Variants in PREX2 observed in about 807,000 individuals in gnomAD.
PREX2 encodes phosphatidylinositol 3,4,5-trisphosphate-dependent Rac exchanger 2 protein.
PREX2 carries 107 observed loss-of-function variants against 203.2 expected under a neutral mutation model. The observed-to-expected ratio is 0.53, with a 90% CI of 0.45 to 0.62. PREX2 has a LOEUF of 0.62. Ranked by LOEUF, PREX2 falls within the 20% of genes least tolerant of loss-of-function variation. The probability of loss-of-function intolerance (pLI) is 0.00; values close to 1 mark genes in which losing one functional copy is unlikely to be tolerated. For synonymous variants in PREX2, 672 were observed against 663.6 expected, an observed-to-expected ratio of 1.01 and a Z score of -0.19; for missense variants, 1,777 against 1,955.9, an observed-to-expected ratio of 0.91 and a Z score of 1.72.
chr8:68,170,194 G>A (rs1475551516), intron 35 of PREX2, among the ~76,000 whole-genome samples: 1 of 152,184 alleles, frequency 6.6e-6, no homozygotes, highest in Non-Finnish European at 1.5e-5. Flanking sequence ...TGAGTAGAAG[G>A]GTGTGTGTTG....
At chr8:68,055,251 C>T (rs750116168) in intron 9 of PREX2, among the ~76,000 whole-genome samples, 5 of 152,192 alleles carry the variant, frequency 3.3e-5, no homozygotes, top group Non-Finnish European at 7.3e-5. Context: ...GAGCAAGGAT[C>T]TTGGCTATCC....
chr8:68,023,242 T>G (rs746449992), intron 4 of PREX2, among the ~76,000 whole-genome samples: 1 of 152,192 alleles, frequency 6.6e-6, no homozygotes, highest in Non-Finnish European at 1.5e-5. Flanking sequence ...CCATATTTAC[T>G]GGCAATGCAT....
intron 30 of PREX2, among the ~76,000 whole-genome samples, chr8:68,122,471 CTAT>C (rs770110155): frequency 6.6e-6 from 1 of 151,928 alleles, no homozygotes; most frequent in Non-Finnish European, 1.5e-5. Flanking sequence ...TTTTGAAAAA[CTAT>C]TATGTTTTAG....
intron 31 of PREX2, among the ~76,000 whole-genome samples, chr8:68,133,259 A>C (rs1811043610): frequency 6.6e-6 from 1 of 152,138 alleles, no homozygotes; most frequent in Non-Finnish European, 1.5e-5. Flanking sequence ...CCACCCCCAT[A>C]ATCCAATCAC....
At chr8:68,024,210 A>T (rs1431303944) in intron 4 of PREX2, among the ~76,000 whole-genome samples, 2 of 152,046 alleles carry the variant, frequency 1.3e-5, no homozygotes, top group Non-Finnish European at 2.9e-5. Context: ...AATTACATGC[A>T]TTGACAATGC....
intron 1 of PREX2, among the ~76,000 whole-genome samples, chr8:68,012,564 GGT>G (rs910023497): frequency 2.6e-5 from 4 of 152,284 alleles, no homozygotes; most frequent in African/African-American, 9.6e-5. Context: ...GAGTAATTCA[GGT>G]GTGGGATATT....
intron 9 of PREX2, 145 bp downstream of exon 9, chr8:68,053,391 A>T (rs1353504439): frequency 2.1e-5 from 17 of 820,146 alleles, no homozygotes; most frequent in Non-Finnish European, 3.2e-5. Context: ...TGCAGTTTTG[A>T]CATTGAAAGC....
chr8:68,093,102 T>C (rs2129612289), intron 20 of PREX2, among the ~76,000 whole-genome samples: 1 of 152,240 alleles, frequency 6.6e-6, no homozygotes, highest in South Asian at 2.1e-4. Context: ...AAAAAGTCAG[T>C]TTGTTAGGCC....
intron 37 of PREX2, among the ~76,000 whole-genome samples, chr8:68,213,809 C>G (rs1444269267): frequency 3.3e-5 from 5 of 152,178 alleles, no homozygotes; most frequent in Admixed American, 6.5e-5. Flanking sequence ...ATACTCTAAG[C>G]AGAGCCATTA....
rs909349172 is a variant in PREX2, at chr8:68,069,769, C to A, written c.1444-66C>A. 5.4e-6 allele frequency: 4 copies of A among 741,746 alleles called. No homozygotes were observed. In the South Asian group the frequency reaches 9.4e-5, roughly 17 times the overall value. The allele number at this position is 741,746 out of a possible 1,614,324, so 45.9% of individuals were successfully genotyped here. A position where few individuals can be genotyped will look rare whatever the true frequency, so the allele number is the denominator to read the frequency against. On this transcript the variant is annotated intron_variant, in intron 12 of 39. Coordinates refer to ENST00000288368, the MANE Select transcript of PREX2 (RefSeq NM_024870.4). ...TTGACAGTGAATTAATTTGTTACTT[C>A]AAAATTTCATTGAAATGTCCCTTGG...
intron 18 of PREX2, among the ~76,000 whole-genome samples, chr8:68,084,613 A>G (rs1427069346): frequency 6.6e-6 from 1 of 152,122 alleles, no homozygotes; most frequent in Admixed American, 6.6e-5. Context: ...AAGAGGTCTG[A>G]AAGAGTGAGC....
chr8:68,213,336 C>T (rs959908640), intron 37 of PREX2, among the ~76,000 whole-genome samples: 15 of 152,164 alleles, frequency 9.9e-5, no homozygotes, highest in Admixed American at 4.6e-4. Flanking sequence ...AGGTATGTGA[C>T]TATGTGAACA....
intron 4 of PREX2, among the ~76,000 whole-genome samples, chr8:68,022,467 GCTGT>G (rs763254538): frequency 2.6e-5 from 4 of 152,106 alleles, no homozygotes; most frequent in Non-Finnish European, 5.9e-5. Context: ...TGCTGACAGA[GCTGT>G]AAGTAGGGCA....
intron 6 of PREX2, among the ~76,000 whole-genome samples, chr8:68,036,261 A>G (rs1808027820): frequency 6.6e-6 from 1 of 152,214 alleles, no homozygotes; most frequent in African/African-American, 2.4e-5. Flanking sequence ...TAAGATAACG[A>G]TGTCATAATA....
intron 38 of PREX2, among the ~76,000 whole-genome samples, chr8:68,219,375 A>G (rs188544659): frequency 4.5e-4 from 68 of 152,278 alleles, no homozygotes; most frequent in African/African-American, 9.1e-4. Context: ...TCTTTAAAAT[A>G]CAATGTAAAT....
chr8:68,113,531 C>G (rs1810577402), intron 25 of PREX2, among the ~76,000 whole-genome samples: 1 of 152,150 alleles, frequency 6.6e-6, no homozygotes, highest in African/African-American at 2.4e-5. Context: ...AAGAGAAAAA[C>G]TGTGTTTAAA....
intron 8 of PREX2, among the ~76,000 whole-genome samples, chr8:68,051,970 C>A (rs1477759093): frequency 6.6e-6 from 1 of 151,992 alleles, no homozygotes; most frequent in Non-Finnish European, 1.5e-5. Context: ...TTAGTCTGAC[C>A]TCATATAATG....
chr8:68,103,204 T>C (rs1810313364), intron 23 of PREX2, among the ~76,000 whole-genome samples: 1 of 152,168 alleles, frequency 6.6e-6, no homozygotes. Context: ...CTCACACTGA[T>C]ATATGGACTG....
At chr8:68,134,860 G>A (rs1458560399) in intron 32 of PREX2, among the ~76,000 whole-genome samples, 1 of 152,170 alleles carries the variant, frequency 6.6e-6, no homozygotes, top group Non-Finnish European at 1.5e-5. Context: ...TATGATGAAA[G>A]CATCTTGAAA....
Sources: gnomAD v4.1 joint callset for allele counts (sites outside exome capture counted in the v4.1 genomes callset) on GRCh38, gnomAD v4.1.1 for gene constraint, MANE v1.5 for transcripts, NCBI Gene and HGNC (gene_info 2026-07-23, HGNC 2026-07-21) for gene names.